The following DGKI variants were observed in gnomAD, a reference collection of about 807,000 sequenced individuals.
The protein encoded by DGKI is DAG kinase iota.
DGKI carries 55 observed loss-of-function variants against 147.5 expected under a neutral mutation model. The ratio of observed to expected loss-of-function variants is 0.37; its 90% CI spans 0.30 to 0.47. The LOEUF (loss-of-function observed/expected upper bound fraction) is 0.47. DGKI is among the 20% of genes least tolerant of loss of function. The pLI, the probability that DGKI is intolerant of heterozygous loss-of-function variation, is 1.00. For synonymous variants in DGKI, 469 were observed against 477.1 expected (o/e 0.98, Z 0.22); for missense variants, 1,007 against 1,323.8 (o/e 0.76, Z 3.71).
intron 20 of DGKI, among the ~76,000 whole-genome samples, chr7:137,551,717 T>C (rs1563081010): frequency 1.3e-5 from 2 of 152,056 alleles, no homozygotes; most frequent in African/African-American, 2.4e-5. Context: ...CTCAAGTCAG[T>C]TTATTAAAAT....
intron 6 of DGKI, among the ~76,000 whole-genome samples, chr7:137,632,899 G>A (rs1222227053): frequency 6.6e-6 from 1 of 150,722 alleles, no homozygotes; most frequent in Non-Finnish European, 1.5e-5. Context: ...ACAAACGTGA[G>A]GCCCAGTTAA....
At chr7:137,519,979 T>G (rs980341025) in intron 21 of DGKI, among the ~76,000 whole-genome samples, 7 of 152,104 alleles carry the variant, frequency 4.6e-5, no homozygotes, top group African/African-American at 1.7e-4. Context: ...TCAATTTATT[T>G]GGCTTACATT....
chr7:137,607,468 CAGGCTAT>C (rs1227819025), intron 10 of DGKI, among the ~76,000 whole-genome samples: 1 of 152,188 alleles, frequency 6.6e-6, no homozygotes, highest in Non-Finnish European at 1.5e-5. Context: ...GGAATAGGAA[CAGGCTAT>C]GTCTTAACTG....
At chr7:137,540,192 C>T (rs561472871) in intron 20 of DGKI, among the ~76,000 whole-genome samples, 4 of 152,234 alleles carry the variant, frequency 2.6e-5, no homozygotes, top group South Asian at 2.1e-4. Context: ...TAATCTTTTC[C>T]AGATATGCTG....
chr7:137,576,043 C>CTTTCT (rs1479262681), intron 17 of DGKI, among the ~76,000 whole-genome samples: 2 of 135,070 alleles, frequency 1.5e-5, no homozygotes, highest in African/African-American at 5.7e-5. Context: ...TTTTCTTTTT[C>CTTTCT]TTTTTTTTTT....
intron 21 of DGKI, among the ~76,000 whole-genome samples, chr7:137,496,744 C>A (rs1300664635): frequency 6.6e-6 from 1 of 152,082 alleles, no homozygotes; most frequent in Non-Finnish European, 1.5e-5. Context: ...ACCGACTAGT[C>A]ATATGCAGAG....
intron 21 of DGKI, among the ~76,000 whole-genome samples, chr7:137,516,379 A>T (rs1026731988): frequency 6.6e-6 from 1 of 152,148 alleles, no homozygotes; most frequent in African/African-American, 2.4e-5. Flanking sequence ...AGGAAACAGA[A>T]GCCTGAAGAA....
chr7:137,427,017 C>A, intron 28 of DGKI, among the ~76,000 whole-genome samples: 1 of 150,534 alleles, frequency 6.6e-6, no homozygotes, highest in Non-Finnish European at 1.5e-5. Context: ...CAAGGATACC[C>A]AGGAATTGAA....
chr7:137,698,526 GC>G lies in DGKI; in HGVS notation c.402-8525del, dbSNP rs1469832219. Among the ~76,000 whole-genome samples, 42 of 152,230 alleles carry G rather than the reference GC, an allele frequency of 2.8e-4. No individual in the cohort carries two copies. In the East Asian group the frequency reaches 7.5e-3, roughly 27 times the overall value. ...ATCAACCAGTCTTTGAGTACAGGCA[GC>G]CCCTGGGGAGAGTATAACCATGGCA... On this transcript the variant is annotated intron_variant, in intron 1 of 32. Transcript: ENST00000614521.
chr7:137,746,040 G>C (rs1446206172), intron 1 of DGKI, among the ~76,000 whole-genome samples: 1 of 151,976 alleles, frequency 6.6e-6, no homozygotes, highest in Non-Finnish European at 1.5e-5. Context: ...CATCTACTGG[G>C]GGGCTTTCCA....
chr7:137,804,643 G>C (rs1298818122), intron 1 of DGKI, among the ~76,000 whole-genome samples: 1 of 152,212 alleles, frequency 6.6e-6, no homozygotes, highest in Non-Finnish European at 1.5e-5. Context: ...AGGGTACAGA[G>C]GCACTCCTCT....
At chr7:137,496,782 T>C (rs1455586250) in intron 21 of DGKI, among the ~76,000 whole-genome samples, 1 of 152,100 alleles carries the variant, frequency 6.6e-6, no homozygotes, top group Non-Finnish European at 1.5e-5. Context: ...CCTTATACTA[T>C]ATACAAAAAT....
intron 20 of DGKI, among the ~76,000 whole-genome samples, chr7:137,549,901 C>G (rs1817987431): frequency 1.3e-5 from 2 of 152,256 alleles, no homozygotes; most frequent in Middle Eastern, 3.4e-3. Context: ...TACATGATGA[C>G]TAGGTTTTTT....
At chr7:137,754,402 A>C (rs1450763427) in intron 1 of DGKI, among the ~76,000 whole-genome samples, 1 of 152,166 alleles carries the variant, frequency 6.6e-6, no homozygotes, top group African/African-American at 2.4e-5. Flanking sequence ...TGGGCTTTTC[A>C]AACATCAGCA....
Position 137,579,451 on chromosome 7 carries a change from AG to A in DGKI, c.1643-1127del, listed in dbSNP as rs923598944. ...ACAGAAACAGTAAAAAAAAAAAAAA[AG>A]AAAGAAAAAAAGGCTATTTGCTTAA... On this transcript the variant is annotated intron_variant, in intron 15 of 32. Transcript: ENST00000614521. 1.2e-4 allele frequency among the ~76,000 whole-genome samples: 17 copies of A among 145,544 alleles called. No homozygotes were observed. In the South Asian group the frequency reaches 2.7e-3, roughly 23 times the overall value.
Position 137,382,133 on chromosome 7 carries a change from T to C in DGKI, c.*9087A>G, listed in dbSNP as rs1811075327. 1 of 152,102 alleles carries C rather than the reference T, an allele frequency of 6.6e-6. No individual in the cohort carries two copies. The highest frequency in any genetic ancestry group is 2.1e-4 in the South Asian group (1 of 4,824). 9.4% of individuals were successfully genotyped at this position (152,102 alleles called of 1,614,324 possible). ...ACACCTATAAATTTGAAATTACCTA[T>C]AAATTTGAAACAAAAAATAGGGTAA... On this transcript the variant is annotated 3_prime_UTR_variant, in exon 33 of 33. Coordinates refer to ENST00000614521, the MANE Select transcript of DGKI (RefSeq NM_001321708.2).
At chr7:137,608,210 AT>A (rs753006330) in intron 10 of DGKI, among the ~76,000 whole-genome samples, 4 of 152,182 alleles carry the variant, frequency 2.6e-5, no homozygotes, top group Admixed American at 2.0e-4. Context: ...TACTTCGTGG[AT>A]AAAGAAAATA....
chr7:137,414,041 T>C (rs1812263700), intron 28 of DGKI, among the ~76,000 whole-genome samples: 1 of 152,234 alleles, frequency 6.6e-6, no homozygotes, highest in Admixed American at 6.5e-5. Flanking sequence ...AGTGATATTT[T>C]ATTCCTATTT....
chr7:137,751,082 G>A (rs993402880), intron 1 of DGKI, among the ~76,000 whole-genome samples: 1 of 152,200 alleles, frequency 6.6e-6, no homozygotes, highest in Non-Finnish European at 1.5e-5. Flanking sequence ...TCTAAGGCTT[G>A]AAATGAAGCA....
Sources: gnomAD v4.1 joint callset for allele counts (sites outside exome capture counted in the v4.1 genomes callset) on GRCh38, gnomAD v4.1.1 for gene constraint, MANE v1.5 for transcripts, NCBI Gene and HGNC (gene_info 2026-07-23, HGNC 2026-07-21) for gene names.